DRC9: variants seen among roughly 807,000 people sequenced by gnomAD.
DRC9 encodes the protein dynein regulatory complex protein 9.
At chr3:197,934,737 G>C in the DRC9 span, among the ~76,000 whole-genome samples, 1 of 151,664 alleles carries the variant, frequency 6.6e-6, no homozygotes, top group African/African-American at 2.4e-5. Flanking sequence ...AGGGGCCGAG[G>C]CAGGAGGATC....
At chr3:197,955,008 G>A in the DRC9 span, among the ~76,000 whole-genome samples, 22 of 152,240 alleles carry the variant, frequency 1.4e-4, no homozygotes, top group South Asian at 1.7e-3. Flanking sequence ...CAGGTCTTTG[G>A]TGCCAGCCTT....
chr3:197,953,477 C>G, the DRC9 span: 30 of 456,722 alleles, frequency 6.6e-5, no homozygotes, highest in African/African-American at 6.0e-4. Flanking sequence ...CCATAATTCT[C>G]TTTATCTCAG....
the DRC9 span, among the ~76,000 whole-genome samples, chr3:197,921,833 A>G: frequency 0.018 from 1,701 of 94,110 alleles, 58 homozygotes; most frequent in Middle Eastern, 0.038. Context: ...ATTTCACCTG[A>G]TTTCATCTTG....
chr3:197,931,917 G>A, the DRC9 span, among the ~76,000 whole-genome samples: 6 of 152,038 alleles, frequency 3.9e-5, no homozygotes, highest in African/African-American at 1.4e-4. Context: ...GAGCCACCGC[G>A]CCCGGCCGAA....
chr3:197,957,458 GT>G, the DRC9 span: 6,822 of 129,780 alleles, frequency 0.053, 330 homozygotes, highest in African/African-American at 0.18. Context: ...GATTGTGGTG[GT>G]TTTTTTTTTT....
the DRC9 span, among the ~76,000 whole-genome samples, chr3:197,940,789 G>T: frequency 1.3e-5 from 2 of 152,196 alleles, no homozygotes; most frequent in Non-Finnish European, 2.9e-5. Context: ...AACATATTGA[G>T]AAATGGGCTT....
chr3:197,925,892 A>C, the DRC9 span: 1 of 676,010 alleles, frequency 1.5e-6, no homozygotes, highest in Non-Finnish European at 2.7e-6. Context: ...CTATGTTTTC[A>C]ATAGTAAAGG....
the DRC9 span, among the ~76,000 whole-genome samples, chr3:197,918,840 C>T: frequency 2.0e-4 from 30 of 152,058 alleles, no homozygotes; most frequent in African/African-American, 6.8e-4. Flanking sequence ...CCGAGTTTTG[C>T]TCTTGTCGTC....
At chr3:197,946,027 A>G in the DRC9 span, among the ~76,000 whole-genome samples, 1 of 152,228 alleles carries the variant, frequency 6.6e-6, no homozygotes, top group Admixed American at 6.5e-5. Flanking sequence ...GATTTTTTCT[A>G]TCATTCTGAT....
At chr3:197,957,110 CTGTT>C in the DRC9 span, 3 of 152,134 alleles carry the variant, frequency 2.0e-5, no homozygotes, top group African/African-American at 7.2e-5. Flanking sequence ...AGCACACTGG[CTGTT>C]GTGTTATTTG....
chr3:197,906,546 A>AT, the DRC9 span: 1 of 152,008 alleles, frequency 6.6e-6, no homozygotes, highest in Admixed American at 6.6e-5. Context: ...TTAATCTCCC[A>AT]TTTTGACTAG....
the DRC9 span, among the ~76,000 whole-genome samples, chr3:197,895,825 A>G: frequency 2.0e-5 from 3 of 151,760 alleles, no homozygotes; most frequent in Non-Finnish European, 4.4e-5. Flanking sequence ...ACATAGGAAA[A>G]TTAGCCAGGC....
At chr3:197,916,777 A>G in the DRC9 span, among the ~76,000 whole-genome samples, 1 of 152,156 alleles carries the variant, frequency 6.6e-6, no homozygotes, top group Admixed American at 6.5e-5. Context: ...ATCCTCCGTT[A>G]AGGAAAGCAA....
At chr3:197,925,903 A>G in the DRC9 span, 1 of 703,466 alleles carries the variant, frequency 1.4e-6, no homozygotes, top group Non-Finnish European at 2.6e-6. Flanking sequence ...ATAGTAAAGG[A>G]ATGCCGGAGG....
the DRC9 span, chr3:197,914,018 G>A: frequency 6.2e-7 from 1 of 1,614,028 alleles, no homozygotes; most frequent in Non-Finnish European, 8.5e-7. Flanking sequence ...TGGTCCTTGA[G>A]GTTAGCAATA....
chr3:197,904,559 GA>G, the DRC9 span, among the ~76,000 whole-genome samples: 3 of 152,138 alleles, frequency 2.0e-5, no homozygotes, highest in African/African-American at 7.2e-5. Flanking sequence ...TCTACCAACA[GA>G]CGAACGGATA....
At chr3:197,941,349 CTT>C in the DRC9 span, among the ~76,000 whole-genome samples, 2 of 84,666 alleles carry the variant, frequency 2.4e-5, no homozygotes, top group Admixed American at 1.1e-4. Context: ...CCCTCTGTCT[CTT>C]TCTTTCCCTT....
chr3:197,924,456 G>A, the DRC9 span, among the ~76,000 whole-genome samples: 1 of 152,218 alleles, frequency 6.6e-6, no homozygotes, highest in Non-Finnish European at 1.5e-5. Flanking sequence ...ATTCCCTTCT[G>A]TGAAGCATAA....
the DRC9 span, among the ~76,000 whole-genome samples, chr3:197,926,979 G>A: frequency 6.6e-6 from 1 of 152,100 alleles, no homozygotes; most frequent in Non-Finnish European, 1.5e-5. Flanking sequence ...ACAGTAAATG[G>A]CAGAAAGGGG....
Sources: gnomAD v4.1 joint callset for allele counts (sites outside exome capture counted in the v4.1 genomes callset) on GRCh38, gnomAD v4.1.1 for gene constraint, MANE v1.5 for transcripts, NCBI Gene and HGNC (gene_info 2026-07-23, HGNC 2026-07-21) for gene names.